The following NAALADL2 variants were observed in gnomAD, a reference collection of about 807,000 sequenced individuals.
NAALADL2 encodes N-acetylated alpha-linked acidic dipeptidase like 2.
NAALADL2 carries 76 observed loss-of-function variants against 87.2 expected under a neutral mutation model. The observed-to-expected ratio is 0.87, with a 90% CI of 0.72 to 1.05. The LOEUF is 1.05. NAALADL2 is among the 50% of genes least tolerant of loss of function. The pLI, the probability that NAALADL2 is intolerant of heterozygous loss-of-function variation, is 0.00. For synonymous variants in NAALADL2, 354 were observed against 331.0 expected (o/e 1.07, Z -0.75); for missense variants, 1,089 against 945.8 (o/e 1.15, Z -1.99).
intron 5 of NAALADL2, among the ~76,000 whole-genome samples, chr3:175,433,203 C>G (rs1336683162): frequency 2.6e-5 from 4 of 152,120 alleles, no homozygotes; most frequent in African/African-American, 9.6e-5. Flanking sequence ...ACTTCTTGGA[C>G]TCTTTTTCTT....
chr3:175,779,962 A>G (rs1251449986), intron 13 of NAALADL2, among the ~76,000 whole-genome samples: 3 of 152,164 alleles, frequency 2.0e-5, no homozygotes, highest in Admixed American at 1.3e-4. Flanking sequence ...GGACAAAAAA[A>G]TTTAGAATTT....
intron 9 of NAALADL2, among the ~76,000 whole-genome samples, chr3:175,505,744 C>A (rs1730218643): frequency 6.6e-6 from 1 of 152,026 alleles, no homozygotes; most frequent in South Asian, 2.1e-4. Flanking sequence ...AAAATAAATA[C>A]CTCTTCTTCT....
chr3:174,676,596 A>G (rs889752966), intron 2 of NAALADL2, among the ~76,000 whole-genome samples: 1 of 151,982 alleles, frequency 6.6e-6, no homozygotes, highest in Non-Finnish European at 1.5e-5. Flanking sequence ...AACACCTTAA[A>G]GATTTTTCTT....
chr3:175,091,811 T>C (rs1484882587), intron 1 of NAALADL2, among the ~76,000 whole-genome samples: 1 of 152,014 alleles, frequency 6.6e-6, no homozygotes, highest in African/African-American at 2.4e-5. Flanking sequence ...TTTATATAAA[T>C]GTTAGCCAAA....
At chr3:175,519,444 T>C (rs917890717) in intron 9 of NAALADL2, among the ~76,000 whole-genome samples, 1 of 152,156 alleles carries the variant, frequency 6.6e-6, no homozygotes, top group Non-Finnish European at 1.5e-5. Context: ...AGTTTCAACA[T>C]GGGTTTTGGA....
At chr3:175,508,340 G>A (rs1221108460) in intron 9 of NAALADL2, among the ~76,000 whole-genome samples, 6 of 152,058 alleles carry the variant, frequency 3.9e-5, no homozygotes, top group African/African-American at 9.7e-5. Flanking sequence ...TATGGGTGTC[G>A]ACTACCATCA....
intron 10 of NAALADL2, among the ~76,000 whole-genome samples, chr3:175,595,352 C>T (rs1240109981): frequency 6.6e-6 from 1 of 151,924 alleles, no homozygotes; most frequent in Non-Finnish European, 1.5e-5. Context: ...TTCCATTGGT[C>T]TATGTGTCTG....
chr3:175,001,642 T>G (rs957384167), intron 1 of NAALADL2, among the ~76,000 whole-genome samples: 2 of 152,142 alleles, frequency 1.3e-5, no homozygotes, highest in Admixed American at 6.6e-5. Context: ...GGAACTTTCT[T>G]AAACTCAATT....
chr3:175,660,426 G>C (rs1287691288), intron 11 of NAALADL2, among the ~76,000 whole-genome samples: 1 of 152,028 alleles, frequency 6.6e-6, no homozygotes, highest in Admixed American at 6.6e-5. Flanking sequence ...GTGATGTTTT[G>C]ATACATGTAC....
chr3:174,870,692 AT>A (rs1201644799), intron 1 of NAALADL2, among the ~76,000 whole-genome samples: 2 of 152,158 alleles, frequency 1.3e-5, no homozygotes, highest in African/African-American at 4.8e-5. Flanking sequence ...TGACCACTAT[AT>A]TTTGCAGGTG....
chr3:175,701,351 T>G (rs1738969044), intron 11 of NAALADL2, among the ~76,000 whole-genome samples: 1 of 152,102 alleles, frequency 6.6e-6, no homozygotes, highest in African/African-American at 2.4e-5. Flanking sequence ...GCTTAAAGTT[T>G]TGGTTTGGCT....
At chr3:174,685,899 A>G (rs1049391973) in intron 2 of NAALADL2, among the ~76,000 whole-genome samples, 2 of 139,090 alleles carry the variant, frequency 1.4e-5, no homozygotes, top group African/African-American at 5.5e-5. Context: ...TCTCCCATGT[A>G]TAAGTGAGAA....
intron 11 of NAALADL2, among the ~76,000 whole-genome samples, chr3:175,665,349 CT>C (rs1177114248): frequency 6.6e-6 from 1 of 152,162 alleles, no homozygotes. Flanking sequence ...GACCAACCAA[CT>C]TTTCGGGATT....
intron 10 of NAALADL2, among the ~76,000 whole-genome samples, chr3:175,603,053 A>G (rs957499188): frequency 6.6e-6 from 1 of 152,200 alleles, no homozygotes; most frequent in Non-Finnish European, 1.5e-5. Context: ...GAATAGGAAC[A>G]TTCTTTTACA....
At chr3:175,216,662 T>C (rs1742576767) in intron 2 of NAALADL2, among the ~76,000 whole-genome samples, 1 of 120,200 alleles carries the variant, frequency 8.3e-6, no homozygotes, top group African/African-American at 3.4e-5. Flanking sequence ...TCTTTTTTTT[T>C]CTTTTCTTTT....
At chr3:174,764,949 T>A (rs1382834972) in intron 3 of NAALADL2, among the ~76,000 whole-genome samples, 2 of 152,172 alleles carry the variant, frequency 1.3e-5, no homozygotes, top group African/African-American at 4.8e-5. Context: ...ACAAACATTG[T>A]TACAGAGAAC....
intron 2 of NAALADL2, among the ~76,000 whole-genome samples, chr3:175,101,938 AACCAT>A (rs1286257060): frequency 7.1e-6 from 1 of 140,828 alleles, no homozygotes; most frequent in Non-Finnish European, 1.5e-5. Context: ...ATAAAGTAAA[AACCAT>A]CCATAATCCT....
At chr3:175,745,228 T>C (rs1745762019) in intron 12 of NAALADL2, among the ~76,000 whole-genome samples, 1 of 152,352 alleles carries the variant, frequency 6.6e-6, no homozygotes, top group Admixed American at 6.5e-5. Context: ...AAGCTCACTT[T>C]GACTGAGTAA....
intron 10 of NAALADL2, among the ~76,000 whole-genome samples, chr3:175,614,632 T>G (rs1208965550): frequency 6.6e-6 from 1 of 152,172 alleles, no homozygotes; most frequent in African/African-American, 2.4e-5. Context: ...TAGTGTTTTG[T>G]TTATTGTTTT....
Sources: gnomAD v4.1 joint callset for allele counts (sites outside exome capture counted in the v4.1 genomes callset) on GRCh38, gnomAD v4.1.1 for gene constraint, MANE v1.5 for transcripts, NCBI Gene and HGNC (gene_info 2026-07-23, HGNC 2026-07-21) for gene names.